BRDT: variants seen among roughly 807,000 people sequenced by gnomAD.
BRDT encodes the protein bromodomain testis-specific protein.
A neutral mutation model predicts 113.9 loss-of-function variants in BRDT; 77 were observed. The ratio of observed to expected loss-of-function variants is 0.68; its 90% CI spans 0.56 to 0.82. The LOEUF (loss-of-function observed/expected upper bound fraction) is 0.82. Among genes scored for constraint, BRDT ranks in the 40% least tolerant of loss-of-function variants. BRDT has a pLI of 0.00. For missense variants in BRDT, 1,027 were observed against 1,105.4 expected, an observed-to-expected ratio of 0.93 and a Z score of 1.01; for synonymous variants, 358 against 366.5, an observed-to-expected ratio of 0.98 and a Z score of 0.26.
In BRDT at chr1:91,992,189, T is replaced by G. The variant is rs182260667; in HGVS notation, c.2065-75T>G. 3,537 of 800,732 alleles carry G rather than the reference T, an allele frequency of 4.4e-3. 10 individuals carry two copies. Among genetic ancestry groups the G allele is most frequent in the Non-Finnish European group, 5.7e-3 (3,075 of 542,368 alleles). The allele number at this position is 800,732 out of a possible 1,614,324, so 49.6% of individuals were successfully genotyped here. On this transcript the variant is annotated intron_variant, in intron 13 of 18. Coordinates refer to ENST00000399546, the MANE Select transcript of BRDT (RefSeq NM_207189.4). ...TAATACTGTCTTAAAAGAGCTCTAA[T>G]TTGTGAAAAAGAAATATAATCACAT... is the stretch of plus-strand genomic sequence containing the variant.
At chr1:91,997,974 G>A (rs768538153) in intron 15 of BRDT, among the ~76,000 whole-genome samples, 4 of 152,134 alleles carry the variant, frequency 2.6e-5, no homozygotes, top group Non-Finnish European at 5.9e-5. Context: ...AAAATAGTTT[G>A]ACAAAATGTT....
intron 1 of BRDT, among the ~76,000 whole-genome samples, chr1:91,958,712 G>A (rs926808736): frequency 1.3e-5 from 2 of 152,124 alleles, no homozygotes; most frequent in African/African-American, 4.8e-5. Context: ...CTGGGGGAAT[G>A]TCTGTAGCCA....
intron 1 of BRDT, among the ~76,000 whole-genome samples, chr1:91,952,474 A>G (rs1681204604): frequency 6.6e-6 from 1 of 152,070 alleles, no homozygotes; most frequent in Non-Finnish European, 1.5e-5. Flanking sequence ...TCAGTAAGAG[A>G]AGAAAGGTGG....
At chr1:91,957,505 AT>A (rs750695254) in intron 1 of BRDT, 31 of 140,508 alleles carry the variant, frequency 2.2e-4, no homozygotes, top group South Asian at 7.1e-4. Context: ...AAAAAAAAAA[AT>A]TTTATGTTTT....
intron 16 of BRDT, 133 bp from the exon 17 acceptor site, chr1:92,004,265 GACTTTAGTAACCTTTT>G: frequency 3.9e-6 from 2 of 508,642 alleles, no homozygotes; most frequent in East Asian, 3.1e-5. Flanking sequence ...AGTAACCTTT[GACTTTAGTAACCTTTT>G]ACTTTAGTAA....
At position 91,980,830 on chromosome 1, in the gene BRDT, T is replaced by C; in HGVS notation, c.1460+15T>C. On this transcript the variant is annotated intron_variant, in intron 9 of 18. Transcript: ENST00000399546. ...TCCAAGAGAAAGTAAGTATCTTTTA[T>C]TATGATAGCTTATTAAGACAATAAC... 1 of 1,589,672 alleles carries C rather than the reference T, an allele frequency of 6.3e-7. No homozygotes were observed. Among genetic ancestry groups the C allele is most frequent in the South Asian group, 1.2e-5 (1 of 85,242 alleles).
At chr1:91,997,065 A>G (rs1389107544) in intron 15 of BRDT, among the ~76,000 whole-genome samples, 2 of 152,190 alleles carry the variant, frequency 1.3e-5, no homozygotes, top group African/African-American at 4.8e-5. Flanking sequence ...AAGAAGAGGT[A>G]ATCAATGGTA....
chr1:91,965,768 G>A (rs913813772), intron 3 of BRDT, among the ~76,000 whole-genome samples: 4 of 151,922 alleles, frequency 2.6e-5, no homozygotes, highest in African/African-American at 9.7e-5. Flanking sequence ...AATCGCTTCA[G>A]CCCAGGAGGT....
intron 1 of BRDT, among the ~76,000 whole-genome samples, chr1:91,955,325 C>G (rs1386008495): frequency 6.6e-6 from 1 of 151,848 alleles, no homozygotes; most frequent in Non-Finnish European, 1.5e-5. Flanking sequence ...AGTGTAATGC[C>G]TCCCTGTAAT....
intron 14 of BRDT, among the ~76,000 whole-genome samples, chr1:91,993,697 T>C (rs1686009160): frequency 6.6e-6 from 1 of 152,234 alleles, no homozygotes; most frequent in Non-Finnish European, 1.5e-5. Flanking sequence ...TGAATTGGTC[T>C]CTAGATTTGC....
intron 4 of BRDT, 25 bp downstream of exon 4, chr1:91,968,285 T>G: frequency 6.2e-7 from 1 of 1,609,370 alleles, no homozygotes; most frequent in Non-Finnish European, 8.5e-7. Flanking sequence ...AAACACTTTA[T>G]GGTTCTCTCT....
intron 4 of BRDT, 26 bp downstream of exon 4, chr1:91,968,286 G>A: frequency 6.2e-7 from 1 of 1,608,814 alleles, no homozygotes; most frequent in Non-Finnish European, 8.5e-7. Flanking sequence ...AACACTTTAT[G>A]GTTCTCTCTC....
chr1:92,006,629 G>T (rs907381916), intron 18 of BRDT, among the ~76,000 whole-genome samples: 2 of 151,810 alleles, frequency 1.3e-5, no homozygotes, highest in Non-Finnish European at 2.9e-5. Flanking sequence ...ACCATGCCTG[G>T]CTAATGTTTT....
At chr1:92,005,911 T>C (rs185081098) in intron 18 of BRDT, among the ~76,000 whole-genome samples, 3 of 152,350 alleles carry the variant, frequency 2.0e-5, no homozygotes, top group Admixed American at 2.0e-4. Flanking sequence ...GACTGCTAGA[T>C]TAAGAAGCTG....
In BRDT at chr1:91,988,589, G is replaced by T. The variant is rs571037402; in HGVS notation, c.2003-2595G>T. Among the ~76,000 whole-genome samples, 27 of 151,874 alleles carry T rather than the reference G, an allele frequency of 1.8e-4. 1 individual carries two copies. In the South Asian group the frequency reaches 5.4e-3, roughly 30 times the overall value. ...CTAATTTTTGTATTTTTGGTAGGCG[G>T]GGGGTTTCACCAGGTTGGCCAGGCT... On this transcript the variant is annotated intron_variant, in intron 12 of 18. Transcript: ENST00000399546.
chr1:91,991,991 C>CAAAAAAAAAAA (rs764759925), intron 13 of BRDT, among the ~76,000 whole-genome samples: 33 of 67,744 alleles, frequency 4.9e-4, no homozygotes, highest in African/African-American at 6.4e-4. Flanking sequence ...GACTCTGTCT[C>CAAAAAAAAAAA]AAAAAAAAAA....
chr1:91,992,214 T>G, intron 13 of BRDT, 50 bp from the exon 14 acceptor site: 1 of 981,290 alleles, frequency 1.0e-6, no homozygotes, highest in Non-Finnish European at 1.4e-6. Context: ...TATAATCACA[T>G]GGTTAAGAGA....
chr1:91,969,957 T>C (rs1397469983), intron 4 of BRDT, among the ~76,000 whole-genome samples: 2 of 151,492 alleles, frequency 1.3e-5, no homozygotes, highest in Non-Finnish European at 2.9e-5. Context: ...GCCTCCTGAG[T>C]AGCTGGGATT....
intron 12 of BRDT, among the ~76,000 whole-genome samples, chr1:91,984,646 T>A (rs76502142): frequency 0.074 from 11,324 of 152,190 alleles, 488 homozygotes; most frequent in African/African-American, 0.1. Flanking sequence ...TTAAAAAAAA[T>A]TTTTTTTGAG....
Sources: allele counts gnomAD v4.1 joint callset (sites outside exome capture counted in the v4.1 genomes callset), GRCh38; gene constraint gnomAD v4.1.1; transcripts MANE v1.5; gene names NCBI Gene and HGNC (gene_info 2026-07-23, HGNC 2026-07-21).